Variants in CACNA2D2 observed in about 807,000 individuals in gnomAD.
CACNA2D2 encodes the protein calcium voltage-gated channel auxiliary subunit alpha2delta 2.
CACNA2D2 carries 48 observed loss-of-function variants against 166.4 expected under a neutral mutation model. The observed-to-expected ratio is 0.29, with a 90% CI of 0.23 to 0.37. The LOEUF (loss-of-function observed/expected upper bound fraction) is 0.37. Among genes scored for constraint, CACNA2D2 ranks in the 10% least tolerant of loss-of-function variants. The pLI is 1.00. For missense variants in CACNA2D2, 1,122 were observed against 1,433.0 expected (o/e 0.78, Z 3.50); for synonymous variants, 561 against 573.7 (o/e 0.98, Z 0.32).
intron 1 of CACNA2D2, among the ~76,000 whole-genome samples, chr3:50,490,660 C>A (rs572909467): frequency 2.0e-5 from 3 of 152,216 alleles, no homozygotes; most frequent in Admixed American, 2.0e-4. Flanking sequence ...ACAGTCATGA[C>A]GAGCTTGGCT....
intron 1 of CACNA2D2, among the ~76,000 whole-genome samples, chr3:50,499,053 G>A (rs922181547): frequency 2.0e-5 from 3 of 152,230 alleles, no homozygotes; most frequent in Admixed American, 2.0e-4. Context: ...CCATTAGCCT[G>A]GAGACGTCCC....
At chr3:50,406,413 C>G (rs1199990174) in intron 3 of CACNA2D2, among the ~76,000 whole-genome samples, 1 of 151,736 alleles carries the variant, frequency 6.6e-6, no homozygotes, top group Admixed American at 6.6e-5. Flanking sequence ...GAGGACTGCC[C>G]CTCAGAGGTA....
At chr3:50,368,385 A>G in intron 23 of CACNA2D2, 150 bp from the exon 24 acceptor site, 3 of 651,550 alleles carry the variant, frequency 4.6e-6, no homozygotes, top group South Asian at 1.8e-5. Flanking sequence ...CAGCTGCTAC[A>G]TGCCTGGCAG....
chr3:50,395,782 T>TA (rs2106737923), intron 3 of CACNA2D2, among the ~76,000 whole-genome samples: 1 of 152,276 alleles, frequency 6.6e-6, no homozygotes, highest in South Asian at 2.1e-4. Flanking sequence ...ACCCCATAGT[T>TA]AGAGGGGCTG....
At chr3:50,430,708 C>G (rs1708024436) in intron 3 of CACNA2D2, among the ~76,000 whole-genome samples, 1 of 152,132 alleles carries the variant, frequency 6.6e-6, no homozygotes, top group South Asian at 2.1e-4. Flanking sequence ...GCTGGGAGGG[C>G]AGGAGAGTCC....
At chr3:50,400,065 A>G (rs1303257244) in intron 3 of CACNA2D2, among the ~76,000 whole-genome samples, 1 of 152,248 alleles carries the variant, frequency 6.6e-6, no homozygotes, top group African/African-American at 2.4e-5. Flanking sequence ...TATTGTGCAC[A>G]GATAGATACT....
intron 2 of CACNA2D2, among the ~76,000 whole-genome samples, chr3:50,468,380 AGTGTGTGT>A (rs3220659): frequency 0.053 from 4,408 of 83,014 alleles, 93 homozygotes; most frequent in South Asian, 0.064. Flanking sequence ...TCATCAGAAT[AGTGTGTGT>A]GTGTGTGTGT....
intron 3 of CACNA2D2, among the ~76,000 whole-genome samples, chr3:50,421,319 C>G (rs1233392080): frequency 1.6e-4 from 25 of 152,122 alleles, no homozygotes. Flanking sequence ...AAAGGGAGCC[C>G]AGGTATGCAA....
intron 2 of CACNA2D2, among the ~76,000 whole-genome samples, chr3:50,458,502 T>C (rs951772129): frequency 7.9e-5 from 12 of 152,142 alleles, no homozygotes; most frequent in South Asian, 2.1e-4. Flanking sequence ...CAGCCCGGGC[T>C]TGCCTACCCA....
At chr3:50,431,167 C>T (rs1224835995) in intron 3 of CACNA2D2, among the ~76,000 whole-genome samples, 1 of 152,070 alleles carries the variant, frequency 6.6e-6, no homozygotes, top group Non-Finnish European at 1.5e-5. Context: ...GGGTGGGGGT[C>T]CAGTCCCCCA....
At chr3:50,466,053 A>G (rs1709814750) in intron 2 of CACNA2D2, among the ~76,000 whole-genome samples, 1 of 152,134 alleles carries the variant, frequency 6.6e-6, no homozygotes, top group South Asian at 2.1e-4. Flanking sequence ...ACAAGGTCCT[A>G]GGTGGCCTCA....
At chr3:50,417,840 C>A (rs534599980) in intron 3 of CACNA2D2, among the ~76,000 whole-genome samples, 2 of 152,166 alleles carry the variant, frequency 1.3e-5, no homozygotes, top group East Asian at 1.9e-4. Flanking sequence ...AGGACCAGGC[C>A]GACCTGTCGC....
At chr3:50,407,170 A>G (rs1465596062) in intron 3 of CACNA2D2, among the ~76,000 whole-genome samples, 1 of 151,798 alleles carries the variant, frequency 6.6e-6, no homozygotes, top group Non-Finnish European at 1.5e-5. Context: ...CAACGAGGTC[A>G]GGGGCCCACT....
At chr3:50,394,077 C>T in intron 4 of CACNA2D2, 32 bp downstream of exon 4, 2 of 1,609,230 alleles carry the variant, frequency 1.2e-6, no homozygotes, top group Non-Finnish European at 1.7e-6. Context: ...TGGGCATGCC[C>T]TAAGTGCTGG....
At position 50,465,404 on chromosome 3, in the gene CACNA2D2, T is replaced by C. The variant is rs557804442; in HGVS notation, c.288+10714A>G. Among the ~76,000 whole-genome samples, 118 of 152,302 alleles carry C rather than the reference T, an allele frequency of 7.7e-4. 1 individual carries two copies. The highest frequency in any genetic ancestry group is 2.1e-3 in the African/African-American group (88 of 41,568). ...TGATCAAGAGGCAAGTGGCTGCCAC[T>C]TGACCCAGCTTCCGGGTCTCCCTGC... On this transcript the variant is annotated intron_variant, in intron 2 of 37. Coordinates refer to ENST00000424201, the MANE Select transcript of CACNA2D2 (RefSeq NM_006030.4).
At chr3:50,470,733 C>T (rs1710043087) in intron 2 of CACNA2D2, among the ~76,000 whole-genome samples, 1 of 151,916 alleles carries the variant, frequency 6.6e-6, no homozygotes, top group African/African-American at 2.4e-5. Context: ...AAGAGGCTGC[C>T]CCCAGGTCTG....
intron 2 of CACNA2D2, among the ~76,000 whole-genome samples, chr3:50,475,718 G>C (rs1415909946): frequency 1.3e-5 from 2 of 151,642 alleles, no homozygotes; most frequent in Non-Finnish European, 1.5e-5. Context: ...CACCGCTTTC[G>C]GGCTGGTATG....
In CACNA2D2 at chr3:50,375,587, G is replaced by T. The variant is rs1704928258; in HGVS notation, c.1907+57C>A. 4.4e-6 allele frequency: 7 copies of T among 1,580,272 alleles called. No homozygotes were observed. The highest frequency in any genetic ancestry group is 6.1e-6 in the Non-Finnish European group (7 of 1,153,752). On this transcript the variant is annotated intron_variant, in intron 21 of 37. Coordinates refer to ENST00000424201, the MANE Select transcript of CACNA2D2 (RefSeq NM_006030.4). This position sits in a 1 kb window ranked among gnomAD's most constrained non-coding sequence, Gnocchi z 4.0. ...AGTGGGAGAGGGAGGGGACAGCTGG[G>T]CTCAGATTCTGGGGCCACCCCACCC...
At chr3:50,451,079 T>C (rs1709080463) in intron 2 of CACNA2D2, among the ~76,000 whole-genome samples, 2 of 152,190 alleles carry the variant, frequency 1.3e-5, no homozygotes, top group South Asian at 2.1e-4. Flanking sequence ...GCCCCCTCCA[T>C]GGACAGCCAC....
Sources: allele counts gnomAD v4.1 joint callset (sites outside exome capture counted in the v4.1 genomes callset), GRCh38; gene constraint gnomAD v4.1.1; non-coding constraint Gnocchi (gnomAD v3.1); transcripts MANE v1.5; gene names NCBI Gene and HGNC (gene_info 2026-07-23, HGNC 2026-07-21).